Variants in SLC9A9 observed in about 807,000 individuals in gnomAD.
SLC9A9 encodes sodium/hydrogen exchanger 9.
Under a neutral mutation model 77.8 loss-of-function variants are expected in SLC9A9, and 62 were observed. The ratio of observed to expected loss-of-function variants is 0.80; its 90% CI spans 0.65 to 0.98. The LOEUF (loss-of-function observed/expected upper bound fraction) is 0.98, where lower values mean the gene tolerates loss of function less well. Among genes scored for constraint, SLC9A9 ranks in the 50% least tolerant of loss-of-function variants. SLC9A9 has a pLI of 0.00. For synonymous variants in SLC9A9, 320 were observed against 283.5 expected (o/e 1.13, Z -1.29); for missense variants, 775 against 774.9 (o/e 1.00, Z 0.00).
At chr3:143,751,336 C>CT (rs1356028163) in intron 4 of SLC9A9, among the ~76,000 whole-genome samples, 1 of 152,186 alleles carries the variant, frequency 6.6e-6, no homozygotes, top group Non-Finnish European at 1.5e-5. Context: ...CTTCATCTCC[C>CT]TTTGAAGATG....
chr3:143,307,933 C>T (rs904159543), intron 14 of SLC9A9, among the ~76,000 whole-genome samples: 35 of 152,322 alleles, frequency 2.3e-4, no homozygotes, highest in Admixed American at 4.6e-4. Context: ...AGGGGATTCC[C>T]AGGATTCTCT....
At chr3:143,630,320 T>C (rs577245227) in intron 6 of SLC9A9, among the ~76,000 whole-genome samples, 2 of 152,312 alleles carry the variant, frequency 1.3e-5, no homozygotes, top group South Asian at 4.1e-4. Flanking sequence ...ACCACTTGTC[T>C]GATTGATTGT....
intron 4 of SLC9A9, among the ~76,000 whole-genome samples, chr3:143,697,374 AT>A (rs1233181947): frequency 9.3e-4 from 141 of 152,176 alleles, no homozygotes; most frequent in African/African-American, 3.0e-3. Flanking sequence ...GCTTTTCTGC[AT>A]TTTTCCAGTT....
chr3:143,626,359 A>T (rs1459487509), intron 6 of SLC9A9, among the ~76,000 whole-genome samples: 1 of 152,238 alleles, frequency 6.6e-6, no homozygotes, highest in Admixed American at 6.5e-5. Flanking sequence ...AAGACTTGGA[A>T]CCAACCCAAA....
intron 11 of SLC9A9, among the ~76,000 whole-genome samples, chr3:143,487,106 C>G (rs1029747758): frequency 6.6e-6 from 1 of 151,458 alleles, no homozygotes; most frequent in South Asian, 2.1e-4. Context: ...AAATACTGAC[C>G]AAAAAACAGA....
At chr3:143,368,919 A>G (rs1160746759) in intron 13 of SLC9A9, among the ~76,000 whole-genome samples, 1 of 152,230 alleles carries the variant, frequency 6.6e-6, no homozygotes, top group Non-Finnish European at 1.5e-5. Flanking sequence ...TGAATCATTA[A>G]TTCTTAGCCT....
intron 9 of SLC9A9, among the ~76,000 whole-genome samples, chr3:143,502,192 C>A (rs1243104433): frequency 6.6e-6 from 1 of 150,940 alleles, no homozygotes; most frequent in Non-Finnish European, 1.5e-5. Context: ...GTTTCCATTA[C>A]TTCACAGTTT....
chr3:143,664,716 C>T (rs1295146192), intron 5 of SLC9A9, among the ~76,000 whole-genome samples: 1 of 152,130 alleles, frequency 6.6e-6, no homozygotes, highest in African/African-American at 2.4e-5. Context: ...TTTAAACCAA[C>T]AAAGATCAAA....
chr3:143,556,200 C>T (rs1360038656), intron 8 of SLC9A9, among the ~76,000 whole-genome samples: 1 of 152,130 alleles, frequency 6.6e-6, no homozygotes, highest in Non-Finnish European at 1.5e-5. Flanking sequence ...ATGTGAGGTC[C>T]TAGATAGTTC....
Position 143,266,911 on chromosome 3 carries a change from C to T in SLC9A9, c.1729G>A (p.Asp577Asn), listed in dbSNP as rs757449602. The T allele has an allele frequency of 1.2e-6, 2 of 1,613,998 alleles. No homozygotes were observed. Among genetic ancestry groups the T allele is most frequent in the South Asian group, 2.2e-5 (2 of 91,076 alleles). The change falls in exon 16 of 16, where the codon GAT becomes AAT. Residue 577 changes from aspartate (D) to asparagine (N), a missense_variant. Physicochemically the swap from Asp to Asn is conservative, Grantham distance 23. Transcript: ENST00000316549. ...QAYGEQLKED[D>N]VECIVNQDEL... is the part of the protein sequence containing the mutation. ...TCCTGGTTTACAATGCATTCCACAT[C>T]ATCCTCTTTTAGCTGTTCCTGGTTG...
At chr3:143,729,568 C>T (rs146533582) in intron 4 of SLC9A9, among the ~76,000 whole-genome samples, 70 of 152,234 alleles carry the variant, frequency 4.6e-4, no homozygotes, top group African/African-American at 1.7e-3. Context: ...CAGTTCTGGG[C>T]ATACAGGAGA....
chr3:143,714,338 G>T (rs990118597), intron 4 of SLC9A9, among the ~76,000 whole-genome samples: 2 of 152,050 alleles, frequency 1.3e-5, no homozygotes, highest in East Asian at 3.9e-4. Flanking sequence ...CTTCATGAAG[G>T]CACCAATTCC....
intron 4 of SLC9A9, among the ~76,000 whole-genome samples, chr3:143,714,405 C>A (rs1036381640): frequency 5.9e-5 from 9 of 152,160 alleles, no homozygotes. Context: ...CTTATGTGAT[C>A]CGGTGTTAAA....
intron 4 of SLC9A9, among the ~76,000 whole-genome samples, chr3:143,778,479 A>T (rs539064408): frequency 6.6e-6 from 1 of 152,312 alleles, no homozygotes; most frequent in South Asian, 2.1e-4. Context: ...TCTTTAATAC[A>T]GGGGCAATGA....
intron 13 of SLC9A9, among the ~76,000 whole-genome samples, chr3:143,378,157 T>C (rs1176779203): frequency 6.6e-6 from 1 of 152,226 alleles, no homozygotes; most frequent in Non-Finnish European, 1.5e-5. Context: ...TTCTTATCAG[T>C]GTCCCCCAAT....
intron 4 of SLC9A9, among the ~76,000 whole-genome samples, chr3:143,745,539 G>A (rs1055615199): frequency 2.1e-4 from 32 of 152,232 alleles, no homozygotes; most frequent in African/African-American, 7.0e-4. Context: ...TGTGCACTGT[G>A]ACCTTTATGG....
At chr3:143,804,446 A>G (rs1208027982) in intron 2 of SLC9A9, among the ~76,000 whole-genome samples, 1 of 152,138 alleles carries the variant, frequency 6.6e-6, no homozygotes, top group East Asian at 1.9e-4. Flanking sequence ...TTACCCCATC[A>G]GTCCCCATTA....
intron 12 of SLC9A9, among the ~76,000 whole-genome samples, chr3:143,458,238 A>G (rs1014126702): frequency 2.0e-5 from 3 of 152,158 alleles, no homozygotes; most frequent in African/African-American, 7.2e-5. Context: ...TTGATTTAAT[A>G]TAGCCACTCC....
At chr3:143,700,100 C>T (rs1455070491) in intron 4 of SLC9A9, among the ~76,000 whole-genome samples, 1 of 151,934 alleles carries the variant, frequency 6.6e-6, no homozygotes, top group African/African-American at 2.4e-5. Context: ...AGGGAACCCA[C>T]TGCCTTAAAG....
Sources: allele counts gnomAD v4.1 joint callset (sites outside exome capture counted in the v4.1 genomes callset), GRCh38; gene constraint gnomAD v4.1.1; transcripts MANE v1.5; gene names NCBI Gene and HGNC (gene_info 2026-07-23, HGNC 2026-07-21).